The following MMUT variants were observed in gnomAD, a reference collection of about 807,000 sequenced individuals.
MMUT encodes methylmalonyl-CoA mutase, also known as methylmalonyl-CoA mutase, mitochondrial.
MMUT carries 79 observed loss-of-function variants against 79.9 expected under a neutral mutation model. That is an observed-to-expected ratio of 0.99 (90% CI 0.82 to 1.19). MMUT has a LOEUF of 1.19. MMUT is among the 50% of genes most tolerant of loss of function. MMUT has a pLI of 0.00. For synonymous variants in MMUT, 273 were observed against 295.7 expected (o/e 0.92, Z 0.79); for missense variants, 860 against 917.2 (o/e 0.94, Z 0.81).
chr6:49,444,504 A>C, intron 9 of MMUT, 135 bp downstream of exon 9: 1 of 732,496 alleles, frequency 1.4e-6, no homozygotes, highest in East Asian at 2.5e-5. Context: ...ATAAGAATTA[A>C]ATTTACGATG....
At chr6:49,453,785 TA>T in intron 4 of MMUT, 29 bp from the exon 5 acceptor site, 1 of 1,564,422 alleles carries the variant, frequency 6.4e-7, no homozygotes, top group South Asian at 1.1e-5. Flanking sequence ...GTCCAGAATT[TA>T]ATTAAAGTTA....
At chr6:49,441,595 A>C (rs966239743) in intron 10 of MMUT, among the ~76,000 whole-genome samples, 2 of 149,560 alleles carry the variant, frequency 1.3e-5, no homozygotes, top group Non-Finnish European at 3.0e-5. Flanking sequence ...TTAAAATGAT[A>C]GTATAGATAT....
At chr6:49,445,917 A>T (rs966387460) in intron 8 of MMUT, among the ~76,000 whole-genome samples, 9 of 152,046 alleles carry the variant, frequency 5.9e-5, no homozygotes, top group Non-Finnish European at 5.9e-5. Flanking sequence ...CATACAATTT[A>T]AGAGAAAAAT....
chr6:49,442,681 G>C lies in MMUT; in HGVS notation c.1677-710C>G, dbSNP rs546714586. Among the ~76,000 whole-genome samples, 19 of 152,122 alleles carry C rather than the reference G, an allele frequency of 1.2e-4. No homozygotes were observed. In the East Asian group the frequency reaches 3.5e-3, roughly 28 times the overall value. On this transcript the variant is annotated intron_variant, in intron 9 of 12. Transcript: ENST00000274813. Reference sequence around the variant, plus strand: ...ACTAAGATATAAATTATAAAAAGGGGGATCCCAAGGGAACATAAAACAGTA... The same window carrying C: ...ACTAAGATATAAATTATAAAAAGGGCGATCCCAAGGGAACATAAAACAGTA...
At chr6:49,454,211 C>T (rs1414874151) in intron 4 of MMUT, among the ~76,000 whole-genome samples, 1 of 152,182 alleles carries the variant, frequency 6.6e-6, no homozygotes, top group Non-Finnish European at 1.5e-5. Flanking sequence ...TGCCCTTCAC[C>T]TCTCCCTTTT....
In MMUT at chr6:49,453,671, T is replaced by C; in HGVS notation, c.997A>G (p.Ile333Val). ...TTTTTAGGCTGAAACATTTTCTCTA[T>C]TAAGTGAGCCCAGAGTCTTCTACCA... is the stretch of plus-strand genomic sequence containing the variant. ...RAGRRLWAHL[I>V]EKMFQPKNSK... Residue 333 changes from isoleucine (I) to valine (V), a missense_variant, in exon 5 of 13, where the codon ATA (isoleucine) becomes GTA (valine). Ile to Val is a conservative substitution (Grantham distance 29). Coordinates refer to ENST00000274813, the MANE Select transcript of MMUT (RefSeq NM_000255.4). 1.2e-6 allele frequency: 2 copies of C among 1,613,224 alleles called. No homozygotes were observed. The highest frequency in any genetic ancestry group is 2.2e-5 in the South Asian group (2 of 91,062).
intron 1 of MMUT, among the ~76,000 whole-genome samples, chr6:49,462,840 G>A (rs1030897509): frequency 6.6e-6 from 1 of 152,150 alleles, no homozygotes; most frequent in African/African-American, 2.4e-5. Context: ...ATACCGACAT[G>A]GCCCCTAAAG....
Position 49,440,270 on chromosome 6 carries a change from GC to G in MMUT, c.1891del (p.Ala631GlnfsTer17), listed in dbSNP as rs863224898. 1 of 1,614,038 alleles carries G rather than the reference GC, an allele frequency of 6.2e-7. No individual in the cohort carries two copies. The highest frequency in any genetic ancestry group is 1.7e-5 in the Admixed American group (1 of 59,980). The part of the protein sequence containing the change: ...KMGQDGHDRG[A>X]KVIATGFADL... ...AGCAAATCCTGTAGCAATAACTTTTGCTCCTCTGTCATGGCCATCTTGTCCC... is the reference window on the plus strand; with the variant it reads ...AGCAAATCCTGTAGCAATAACTTTTGTCCTCTGTCATGGCCATCTTGTCCC... On this transcript the variant is annotated frameshift_variant, in exon 11 of 13. Coordinates refer to ENST00000274813, the MANE Select transcript of MMUT (RefSeq NM_000255.4). LOFTEE classifies it high-confidence loss of function.
At chr6:49,444,557 A>C in intron 9 of MMUT, 82 bp downstream of exon 9, 1 of 1,109,310 alleles carries the variant, frequency 9.0e-7, no homozygotes, top group Non-Finnish European at 1.4e-6. Flanking sequence ...TTACAGGATC[A>C]ACCTTTTATT....
chr6:49,441,091 C>G (rs1240825863), intron 10 of MMUT, among the ~76,000 whole-genome samples: 2 of 152,080 alleles, frequency 1.3e-5, no homozygotes, highest in Non-Finnish European at 2.9e-5. Flanking sequence ...TTCACCTTGG[C>G]TGTTTTGATA....
intron 7 of MMUT, 101 bp from the exon 8 acceptor site, chr6:49,447,886 G>C: frequency 2.8e-6 from 2 of 721,386 alleles, no homozygotes; most frequent in Non-Finnish European, 4.8e-6. Flanking sequence ...TCTTTAAGTA[G>C]TATTCTTAAT....
At chr6:49,439,233 T>C (rs545745650) in intron 11 of MMUT, among the ~76,000 whole-genome samples, 88 of 152,286 alleles carry the variant, frequency 5.8e-4, no homozygotes, top group Non-Finnish European at 1.0e-3. Flanking sequence ...TCTGGTCGCA[T>C]GGTGACTTGA....
intron 1 of MMUT, 132 bp from the exon 2 acceptor site, chr6:49,459,637 C>A (rs1767790009): frequency 1.4e-6 from 1 of 736,708 alleles, no homozygotes; most frequent in Non-Finnish European, 2.2e-6. Flanking sequence ...CTGCTTCCTG[C>A]ACCTGATATT....
At chr6:49,449,304 T>G (rs551689884) in intron 6 of MMUT, among the ~76,000 whole-genome samples, 1 of 152,158 alleles carries the variant, frequency 6.6e-6, no homozygotes, top group Non-Finnish European at 1.5e-5. Flanking sequence ...AGAGAAACAA[T>G]GTAACCTCAT....
At chr6:49,462,316 T>C (rs1335694329) in intron 1 of MMUT, among the ~76,000 whole-genome samples, 1 of 152,156 alleles carries the variant, frequency 6.6e-6, no homozygotes, top group African/African-American at 2.4e-5. Flanking sequence ...AACCAATAAG[T>C]TTCAAGCTTT....
intron 4 of MMUT, among the ~76,000 whole-genome samples, 194 bp from the exon 5 acceptor site, chr6:49,453,950 G>C (rs1412608168): frequency 1.3e-5 from 2 of 152,076 alleles, no homozygotes; most frequent in African/African-American, 4.8e-5. Context: ...TATGCATATG[G>C]AAGAAATTTT....
chr6:49,445,735 C>A (rs1037953303), intron 8 of MMUT, among the ~76,000 whole-genome samples: 4 of 151,892 alleles, frequency 2.6e-5, no homozygotes, highest in African/African-American at 9.7e-5. Context: ...ACAGACATAT[C>A]CATTCTTTTT....
In MMUT at chr6:49,447,733, A is replaced by G. The variant is rs1265021048; in HGVS notation, c.1497T>C (p.Ala499=). The change falls in exon 8 of 13, where the codon GCT becomes GCC. Residue 499 remains alanine (A), a synonymous_variant. Transcript: ENST00000274813. ...TATTATCAATTGCCAGAACTTCTAC[A>G]GCGTCTTCTTTTTCCAACTGGTACT... ...VNKYQLEKED[A]VEVLAIDNTS... 1 of 1,612,166 alleles carries G rather than the reference A, an allele frequency of 6.2e-7. No homozygotes were observed.
At chr6:49,458,925 C>T (rs1767761986) in intron 2 of MMUT, among the ~76,000 whole-genome samples, 157 bp downstream of exon 2, 1 of 152,042 alleles carries the variant, frequency 6.6e-6, no homozygotes, top group Admixed American at 6.6e-5. Flanking sequence ...ATCTTTTTGA[C>T]CACAGAAGTT....
Sources: gnomAD v4.1 joint callset for allele counts (sites outside exome capture counted in the v4.1 genomes callset) on GRCh38, gnomAD v4.1.1 for gene constraint, MANE v1.5 for transcripts, NCBI Gene and HGNC (gene_info 2026-07-23, HGNC 2026-07-21) for gene names.